The following ABTB3 variants were observed in gnomAD, a reference collection of about 807,000 sequenced individuals.
ABTB3 encodes the protein ankyrin repeat- and BTB/POZ domain-containing protein 3.
chr12:107,439,359 T>C, the ABTB3 span, among the ~76,000 whole-genome samples: 4 of 152,156 alleles, frequency 2.6e-5, no homozygotes, highest in African/African-American at 9.7e-5. Context: ...CTTGACTCAG[T>C]CCTCTTGCTC....
At chr12:107,610,134 T>C in the ABTB3 span, 1,584,751 of 1,608,072 alleles carry the variant, frequency 0.99, 780,930 homozygotes, top group East Asian at 1. Context: ...CGGAGTTTGC[T>C]CCTGTGCCCC....
chr12:107,555,286 G>T, the ABTB3 span, among the ~76,000 whole-genome samples: 1 of 152,106 alleles, frequency 6.6e-6, no homozygotes, highest in Non-Finnish European at 1.5e-5. Context: ...CCCACTTCAG[G>T]GCTGTTAAAC....
the ABTB3 span, chr12:107,618,250 C>T: frequency 1.0e-4 from 164 of 1,613,812 alleles, no homozygotes; most frequent in South Asian, 1.9e-4. Flanking sequence ...ACTGACCTGG[C>T]GGAGACAGCC....
chr12:107,579,801 G>A, the ABTB3 span, among the ~76,000 whole-genome samples: 1 of 152,162 alleles, frequency 6.6e-6, no homozygotes, highest in Non-Finnish European at 1.5e-5. Context: ...TTGCACCCAG[G>A]GAACCCCACT....
At chr12:107,658,347 T>C in the ABTB3 span, 2 of 153,038 alleles carry the variant, frequency 1.3e-5, no homozygotes, top group Non-Finnish European at 2.9e-5. Context: ...TCTTTTTTTT[T>C]TTTAAATAGT....
At chr12:107,629,031 G>A in the ABTB3 span, among the ~76,000 whole-genome samples, 2 of 152,186 alleles carry the variant, frequency 1.3e-5, no homozygotes, top group African/African-American at 4.8e-5. Context: ...CTTTTTAGGA[G>A]AAGAGTGGAG....
At chr12:107,386,209 A>G in the ABTB3 span, among the ~76,000 whole-genome samples, 1 of 152,114 alleles carries the variant, frequency 6.6e-6, no homozygotes, top group Non-Finnish European at 1.5e-5. Flanking sequence ...GCCTCAATCA[A>G]TCATCCTACC....
the ABTB3 span, among the ~76,000 whole-genome samples, chr12:107,502,694 G>A: frequency 6.6e-6 from 1 of 152,054 alleles, no homozygotes; most frequent in African/African-American, 2.4e-5. Flanking sequence ...CCACCTGAGT[G>A]CCGCCTCCTG....
At chr12:107,409,986 C>G in the ABTB3 span, among the ~76,000 whole-genome samples, 1 of 152,042 alleles carries the variant, frequency 6.6e-6, no homozygotes. Context: ...ACCATAGAGC[C>G]CTTCTCAATG....
chr12:107,632,086 G>A, the ABTB3 span, among the ~76,000 whole-genome samples: 1 of 152,226 alleles, frequency 6.6e-6, no homozygotes, highest in Non-Finnish European at 1.5e-5. Context: ...AAGTTAGAAA[G>A]AGAGGTCAAC....
chr12:107,502,333 A>G, the ABTB3 span, among the ~76,000 whole-genome samples: 1 of 151,846 alleles, frequency 6.6e-6, no homozygotes, highest in Non-Finnish European at 1.5e-5. Flanking sequence ...GCCTCCCAAC[A>G]TGCTAAGATT....
the ABTB3 span, among the ~76,000 whole-genome samples, chr12:107,628,111 A>G: frequency 6.6e-5 from 10 of 152,104 alleles, no homozygotes; most frequent in Non-Finnish European, 1.2e-4. Context: ...CTGCTCCACA[A>G]GGGAGCCATC....
chr12:107,635,217 C>T, the ABTB3 span: 4 of 1,420,208 alleles, frequency 2.8e-6, no homozygotes, highest in African/African-American at 1.4e-5. Flanking sequence ...GGACGCATTC[C>T]TGGGGCACAG....
the ABTB3 span, among the ~76,000 whole-genome samples, chr12:107,582,427 A>T: frequency 6.6e-6 from 1 of 152,172 alleles, no homozygotes; most frequent in East Asian, 1.9e-4. Flanking sequence ...GGCAGTCCAG[A>T]GCCCTGGGAT....
the ABTB3 span, among the ~76,000 whole-genome samples, chr12:107,402,216 C>T: frequency 3.3e-4 from 50 of 152,138 alleles, no homozygotes; most frequent in African/African-American, 1.2e-3. Flanking sequence ...GAGGTTAAAT[C>T]ACTTACACAA....
At chr12:107,632,147 A>G in the ABTB3 span, among the ~76,000 whole-genome samples, 1 of 152,188 alleles carries the variant, frequency 6.6e-6, no homozygotes, top group Admixed American at 6.5e-5. Flanking sequence ...CTGTGGCCCC[A>G]AAAGAGTGCC....
chr12:107,426,383 T>A, the ABTB3 span, among the ~76,000 whole-genome samples: 5 of 152,114 alleles, frequency 3.3e-5, no homozygotes, highest in African/African-American at 4.8e-5. Context: ...GCATCCCCGA[T>A]GGGACACAGC....
chr12:107,414,109 T>C, the ABTB3 span, among the ~76,000 whole-genome samples: 1 of 152,224 alleles, frequency 6.6e-6, no homozygotes, highest in African/African-American at 2.4e-5. Flanking sequence ...GAGACTCGTC[T>C]AATTTTTTTA....
chr12:107,388,192 G>A, the ABTB3 span, among the ~76,000 whole-genome samples: 56 of 151,934 alleles, frequency 3.7e-4, no homozygotes, highest in Non-Finnish European at 6.8e-4. Context: ...GGCTAGCCTC[G>A]AACTCCTGAT....
Sources: allele counts gnomAD v4.1 joint callset (sites outside exome capture counted in the v4.1 genomes callset), GRCh38; gene constraint gnomAD v4.1.1; transcripts MANE v1.5; gene names NCBI Gene and HGNC (gene_info 2026-07-23, HGNC 2026-07-21).